Variants in PCLO observed in about 807,000 individuals in gnomAD.
PCLO encodes protein piccolo.
PCLO carries 82 observed loss-of-function variants against 427.5 expected under a neutral mutation model. That is an observed-to-expected ratio of 0.19 (90% CI 0.16 to 0.23). PCLO has a LOEUF of 0.23. Among genes scored for constraint, PCLO ranks in the 10% least tolerant of loss-of-function variants. The pLI, the probability that PCLO is intolerant of heterozygous loss-of-function variation, is 1.00. For missense variants in PCLO, 6,239 were observed against 6,115.9 expected (o/e 1.02, Z -0.67); for synonymous variants, 2,357 against 2,155.4 (o/e 1.09, Z -2.59).
chr7:83,030,093 C>G (rs1406368081), intron 3 of PCLO, among the ~76,000 whole-genome samples: 1 of 137,306 alleles, frequency 7.3e-6, no homozygotes, highest in African/African-American at 2.7e-5. Flanking sequence ...CACATGTACC[C>G]TAAAACTTAA....
At chr7:82,850,544 C>A (rs928797808) in intron 10 of PCLO, among the ~76,000 whole-genome samples, 2 of 152,054 alleles carry the variant, frequency 1.3e-5, no homozygotes, top group African/African-American at 4.8e-5. Context: ...AGCTATTCCT[C>A]TCTTTATAAT....
At position 82,949,896 on chromosome 7, in the gene PCLO, A is replaced by G. The variant is rs1384958713; in HGVS notation, c.10692T>C (p.Ser3564=). 1 of 1,613,350 alleles carries G rather than the reference A, an allele frequency of 6.2e-7. No individual in the cohort carries two copies. The highest frequency in any genetic ancestry group is 1.3e-5 in the African/African-American group (1 of 74,708). ...SAPEKTYKGG[S]LGCQTEADSD... is the part of the protein sequence containing the mutation. ...AATCTGCTTCTGTTTGACATCCTAAACTGCCCCCTTTGTAAGTCTTTTCAG... is the reference window on the plus strand; with the variant it reads ...AATCTGCTTCTGTTTGACATCCTAAGCTGCCCCCTTTGTAAGTCTTTTCAG... Residue 3564 remains serine, a synonymous_variant, in exon 6 of 25, where the codon AGT becomes AGC. Transcript: ENST00000333891.
chr7:82,892,154 T>C (rs1296403300), intron 9 of PCLO, among the ~76,000 whole-genome samples: 1 of 152,160 alleles, frequency 6.6e-6, no homozygotes, highest in South Asian at 2.1e-4. Flanking sequence ...GCTGGAGGCA[T>C]CACACCTCCT....
At position 82,950,751 on chromosome 7, in the gene PCLO, G is replaced by T. The variant is rs776034329; in HGVS notation, c.9837C>A (p.Phe3279Leu). The T allele has an allele frequency of 1.9e-6, 3 of 1,613,804 alleles. No homozygotes were observed. The highest frequency in any genetic ancestry group is 1.7e-6 in the Non-Finnish European group (2 of 1,179,836). Residue 3279 changes from phenylalanine (F) to leucine (L), a missense_variant, in exon 6 of 25, where the codon TTC (phenylalanine) becomes TTA (leucine). This residue lies in a region of PCLO where 4,677 missense variants were observed against 4,468.4 expected (regional missense o/e 1.05). Coordinates refer to ENST00000333891, the MANE Select transcript of PCLO (RefSeq NM_033026.6). ...FQQEEERQAQ[F>L]MMRQETLAQQ... ...GAGCTAACGTCTCCTGCCTCATCAT[G>T]AACTGGGCTTGCCGCTCTTCTTCTT...
intron 22 of PCLO, among the ~76,000 whole-genome samples, chr7:82,799,575 C>T (rs1455269724): frequency 6.6e-6 from 1 of 152,080 alleles, no homozygotes; most frequent in East Asian, 1.9e-4. Flanking sequence ...ATGCATTCTT[C>T]GGTCTCTTCC....
chr7:82,909,485 T>C (rs1321224533), intron 7 of PCLO, among the ~76,000 whole-genome samples: 1 of 152,006 alleles, frequency 6.6e-6, no homozygotes, highest in African/African-American at 2.4e-5. Flanking sequence ...TGTATACCTA[T>C]GCAACAAACC....
intron 22 of PCLO, among the ~76,000 whole-genome samples, chr7:82,770,100 T>C (rs34536337): frequency 2.0e-5 from 3 of 152,208 alleles, no homozygotes; most frequent in Admixed American, 2.0e-4. Flanking sequence ...CCTTTTATTG[T>C]TTCTATTCTA....
chr7:82,994,591 ATT>A (rs1218365619), intron 3 of PCLO, among the ~76,000 whole-genome samples: 1 of 142,830 alleles, frequency 7.0e-6, no homozygotes, highest in Non-Finnish European at 1.5e-5. Flanking sequence ...TTTTATATAT[ATT>A]TTTATTTTGG....
intron 10 of PCLO, among the ~76,000 whole-genome samples, chr7:82,877,685 G>T (rs1793406209): frequency 6.6e-6 from 1 of 152,042 alleles, no homozygotes; most frequent in Non-Finnish European, 1.5e-5. Context: ...TTATTTATGA[G>T]ACAGAGTCTC....
intron 3 of PCLO, among the ~76,000 whole-genome samples, chr7:83,039,955 C>CT (rs1491174090): frequency 2.0e-5 from 3 of 151,800 alleles, no homozygotes; most frequent in South Asian, 2.1e-4. Flanking sequence ...TTTTAATTTC[C>CT]TTTTTTGCAT....
intron 20 of PCLO, among the ~76,000 whole-genome samples, chr7:82,808,915 G>C (rs971325731): frequency 1.3e-5 from 2 of 151,846 alleles, no homozygotes; most frequent in African/African-American, 4.8e-5. Context: ...TTTTCTTCTT[G>C]CTGGGCTGTA....
intron 3 of PCLO, among the ~76,000 whole-genome samples, chr7:82,988,475 C>G (rs1796303290): frequency 6.6e-6 from 1 of 152,126 alleles, no homozygotes; most frequent in South Asian, 2.1e-4. Context: ...ATATAATACT[C>G]ATTCACTCTA....
chr7:83,159,791 T>C (rs1413725478), intron 1 of PCLO, among the ~76,000 whole-genome samples: 1 of 151,840 alleles, frequency 6.6e-6, no homozygotes, highest in Non-Finnish European at 1.5e-5. Flanking sequence ...TGGGACTATC[T>C]GTTAATTTTT....
chr7:82,802,840 G>T (rs1218146374), intron 21 of PCLO, among the ~76,000 whole-genome samples: 1 of 152,070 alleles, frequency 6.6e-6, no homozygotes, highest in Admixed American at 6.6e-5. Context: ...TTCAGAGAAG[G>T]TGCTGAAATG....
At chr7:82,771,405 A>T (rs1483000477) in intron 22 of PCLO, among the ~76,000 whole-genome samples, 1 of 151,988 alleles carries the variant, frequency 6.6e-6, no homozygotes, top group Non-Finnish European at 1.5e-5. Context: ...TTCAAGTAAA[A>T]AAAAATTTTC....
chr7:82,940,759 T>C (rs1984816), intron 6 of PCLO, among the ~76,000 whole-genome samples: 2,811 of 35,984 alleles, frequency 0.078, 22 homozygotes, highest in African/African-American at 0.22. Flanking sequence ...TTCTTTCTTT[T>C]TTTTTTTTTT....
chr7:83,125,912 GACATATATGC>G lies in PCLO; in HGVS notation c.3300+8328_3300+8337del, dbSNP rs933480931. ...CTAAAAAAATTAAAAAAAAATAAAAGACATATATGCACTCCCATGTTTACTGCAGCACTAT... is the reference window on the plus strand; with the variant it reads ...CTAAAAAAATTAAAAAAAAATAAAAGACTCCCATGTTTACTGCAGCACTAT... On this transcript the variant is annotated intron_variant, in intron 3 of 24. Coordinates refer to ENST00000333891, the MANE Select transcript of PCLO (RefSeq NM_033026.6). Among the ~76,000 whole-genome samples the G allele has an allele frequency of 7.8e-4, 118 of 150,432 alleles. No individual in the cohort carries two copies. In the East Asian group the frequency reaches 0.021, roughly 26 times the overall value.
At chr7:83,128,211 G>A (rs557262450) in intron 3 of PCLO, among the ~76,000 whole-genome samples, 5 of 151,762 alleles carry the variant, frequency 3.3e-5, no homozygotes, top group South Asian at 4.2e-4. Context: ...GCCCAAGACC[G>A]GGGATGTAAA....
rs1413429939 is a variant in PCLO at position 82,999,571 on chromosome 7, TATA to T, written c.3301-33087_3301-33085del. On this transcript the variant is annotated intron_variant, in intron 3 of 24. Coordinates refer to ENST00000333891, the MANE Select transcript of PCLO (RefSeq NM_033026.6). ...TATAATATTATATTAAAATATAAAA[TATA>T]ATATTATATTAAAATATAAAATATA... Among the ~76,000 whole-genome samples, 10 of 49,308 alleles carry T rather than the reference TATA, an allele frequency of 2.0e-4. 2 individuals carry two copies. The highest frequency in any genetic ancestry group is 9.5e-4 in the South Asian group (1 of 1,050). The allele number at this position is 49,308 out of a possible 152,430, so 32.3% of individuals were successfully genotyped here. A position where few individuals can be genotyped will look rare whatever the true frequency, so the allele number is the denominator to read the frequency against.
Sources: allele counts gnomAD v4.1 joint callset (sites outside exome capture counted in the v4.1 genomes callset), GRCh38; gene constraint gnomAD v4.1.1; regional missense constraint gnomAD v4.1.1; transcripts MANE v1.5; gene names NCBI Gene and HGNC (gene_info 2026-07-23, HGNC 2026-07-21).